The following NCKAP5 variants were observed in gnomAD, a reference collection of about 807,000 sequenced individuals.
The protein encoded by NCKAP5 is nck-associated protein 5.
In NCKAP5, 92 loss-of-function variants were observed where a neutral mutation model predicts 167.0. The ratio of observed to expected loss-of-function variants is 0.55; its 90% CI spans 0.47 to 0.66. The LOEUF is 0.66. NCKAP5 is among the 30% of genes least tolerant of loss of function. NCKAP5 has a pLI of 0.00. For missense variants in NCKAP5, 2,378 were observed against 2,315.0 expected (o/e 1.03, Z -0.56); for synonymous variants, 891 against 877.4 (o/e 1.02, Z -0.27).
intron 6 of NCKAP5, among the ~76,000 whole-genome samples, chr2:133,030,518 G>C (rs913624373): frequency 6.6e-6 from 1 of 152,142 alleles, no homozygotes; most frequent in African/African-American, 2.4e-5. Flanking sequence ...GGCTGCATGA[G>C]GACCCCAGGA....
intron 16 of NCKAP5, among the ~76,000 whole-genome samples, chr2:132,768,222 T>C (rs930159667): frequency 2.0e-5 from 3 of 152,178 alleles, no homozygotes; most frequent in Admixed American, 2.0e-4. Context: ...GTGAATCCTA[T>C]TGGGTTCTGC....
intron 16 of NCKAP5, among the ~76,000 whole-genome samples, chr2:132,748,704 C>T (rs147482469): frequency 6.6e-6 from 1 of 152,248 alleles, no homozygotes; most frequent in East Asian, 1.9e-4. Context: ...ATTCTAGTTC[C>T]CTCCTTTGGT....
At chr2:133,278,491 A>C (rs1384706677) in intron 4 of NCKAP5, among the ~76,000 whole-genome samples, 1 of 152,154 alleles carries the variant, frequency 6.6e-6, no homozygotes, top group East Asian at 1.9e-4. Flanking sequence ...TTAGTTTTCA[A>C]GGACCTGTGA....
intron 4 of NCKAP5, among the ~76,000 whole-genome samples, chr2:133,271,323 G>C (rs1351619941): frequency 6.6e-6 from 1 of 152,044 alleles, no homozygotes; most frequent in African/African-American, 2.4e-5. Context: ...AGTAACAATA[G>C]AATATTCCAA....
intron 10 of NCKAP5, among the ~76,000 whole-genome samples, chr2:132,864,814 C>T (rs761530956): frequency 6.6e-6 from 1 of 152,164 alleles, no homozygotes; most frequent in African/African-American, 2.4e-5. Context: ...GAGGCAGTGT[C>T]TATCATGGGA....
At chr2:132,724,818 G>A (rs1205297831) in intron 19 of NCKAP5, among the ~76,000 whole-genome samples, 3 of 151,626 alleles carry the variant, frequency 2.0e-5, no homozygotes, top group Non-Finnish European at 2.9e-5. Context: ...CTCCCCCAAC[G>A]CAAATACCAA....
At chr2:133,394,144 A>C (rs1317659641) in intron 3 of NCKAP5, among the ~76,000 whole-genome samples, 1 of 152,252 alleles carries the variant, frequency 6.6e-6, no homozygotes, top group Admixed American at 6.5e-5. Context: ...AAATGTGAGA[A>C]TGGAGACATG....
chr2:132,799,242 A>C (rs1292388802), intron 11 of NCKAP5, among the ~76,000 whole-genome samples: 1 of 151,950 alleles, frequency 6.6e-6, no homozygotes, highest in African/African-American at 2.4e-5. Flanking sequence ...GACCCTGCAG[A>C]CTACTAGATG....
At chr2:132,976,019 T>C (rs2076967828) in intron 7 of NCKAP5, among the ~76,000 whole-genome samples, 1 of 152,190 alleles carries the variant, frequency 6.6e-6, no homozygotes, top group Admixed American at 6.5e-5. Context: ...TGAGATTCCC[T>C]GGCAGAATTT....
chr2:132,853,936 C>T (rs192528206), intron 11 of NCKAP5, among the ~76,000 whole-genome samples: 71 of 152,362 alleles, frequency 4.7e-4, no homozygotes, highest in African/African-American at 1.7e-3. Flanking sequence ...ACTGCTCTCA[C>T]TCCCTTCTGC....
intron 6 of NCKAP5, among the ~76,000 whole-genome samples, chr2:133,040,717 G>A (rs552978237): frequency 6.6e-6 from 1 of 152,254 alleles, no homozygotes; most frequent in Non-Finnish European, 1.5e-5. Flanking sequence ...TGAAGGTTAA[G>A]GTAGAAGGGC....
chr2:133,054,176 T>C (rs1322309385), intron 6 of NCKAP5, among the ~76,000 whole-genome samples: 1 of 152,222 alleles, frequency 6.6e-6, no homozygotes, highest in Non-Finnish European at 1.5e-5. Flanking sequence ...TAAAATGCTT[T>C]GTTCCAAAGT....
intron 10 of NCKAP5, among the ~76,000 whole-genome samples, chr2:132,865,436 A>AT (rs981919340): frequency 2.6e-5 from 4 of 152,200 alleles, no homozygotes; most frequent in African/African-American, 9.7e-5. Context: ...AAATTGGGGA[A>AT]TTTGGGAGTT....
intron 4 of NCKAP5, 136 bp downstream of exon 4, chr2:133,302,901 G>A: frequency 2.0e-6 from 1 of 511,718 alleles, no homozygotes; most frequent in African/African-American, 1.9e-5. Flanking sequence ...CAAGATGATA[G>A]TTTCTTAGAA....
chr2:133,065,949 A>G (rs1351279589), intron 6 of NCKAP5, among the ~76,000 whole-genome samples: 1 of 152,240 alleles, frequency 6.6e-6, no homozygotes. Context: ...TTCTCCATTC[A>G]TCTTAATGGG....
intron 3 of NCKAP5, among the ~76,000 whole-genome samples, chr2:133,315,672 G>A (rs570912219): frequency 6.6e-6 from 1 of 151,980 alleles, no homozygotes; most frequent in Non-Finnish European, 1.5e-5. Context: ...CAGTGAGGGA[G>A]GAACAGGAGA....
chr2:133,222,545 T>A (rs1186276604), intron 4 of NCKAP5, among the ~76,000 whole-genome samples: 1 of 152,208 alleles, frequency 6.6e-6, no homozygotes, highest in Non-Finnish European at 1.5e-5. Context: ...CTTATAAAAT[T>A]CTAAGTATTC....
chr2:133,310,616 T>C (rs1681164925), intron 3 of NCKAP5, among the ~76,000 whole-genome samples: 1 of 152,222 alleles, frequency 6.6e-6, no homozygotes, highest in Non-Finnish European at 1.5e-5. Context: ...GCTCTGCAGG[T>C]CCAATCCTGT....
intron 3 of NCKAP5, among the ~76,000 whole-genome samples, chr2:133,483,686 CA>C (rs764211736): frequency 4.6e-5 from 7 of 151,568 alleles, no homozygotes; most frequent in Non-Finnish European, 1.0e-4. Flanking sequence ...TTCTTTTAAA[CA>C]ATGGGTTCAA....
Sources: gnomAD v4.1 joint callset for allele counts (sites outside exome capture counted in the v4.1 genomes callset) on GRCh38, gnomAD v4.1.1 for gene constraint, MANE v1.5 for transcripts, NCBI Gene and HGNC (gene_info 2026-07-23, HGNC 2026-07-21) for gene names.